Variants in TRPC7 observed in about 807,000 individuals in gnomAD.
TRPC7 encodes the protein short transient receptor potential channel 7.
Under a neutral mutation model 90.1 loss-of-function variants are expected in TRPC7, and 42 were observed. The observed-to-expected ratio is 0.47, with a 90% CI of 0.36 to 0.60. The LOEUF (loss-of-function observed/expected upper bound fraction) is 0.60. TRPC7 is among the 20% of genes least tolerant of loss of function. The pLI is 0.00. For missense variants in TRPC7, 955 were observed against 1,112.3 expected, an observed-to-expected ratio of 0.86 and a Z score of 2.01; for synonymous variants, 451 against 436.3, an observed-to-expected ratio of 1.03 and a Z score of -0.42.
At chr5:136,217,305 A>G (rs1244891090) in intron 10 of TRPC7, among the ~76,000 whole-genome samples, 1 of 152,230 alleles carries the variant, frequency 6.6e-6, no homozygotes, top group Non-Finnish European at 1.5e-5. Context: ...TAGGCTGAGG[A>G]AAAGCATCTT....
intron 5 of TRPC7, among the ~76,000 whole-genome samples, chr5:136,255,827 T>C (rs751792925): frequency 2.0e-5 from 3 of 152,200 alleles, no homozygotes; most frequent in Non-Finnish European, 4.4e-5. Flanking sequence ...GGTTGTAATG[T>C]GCCCTGCTAG....
At chr5:136,320,448 C>T (rs545335157) in intron 2 of TRPC7, among the ~76,000 whole-genome samples, 1 of 152,312 alleles carries the variant, frequency 6.6e-6, no homozygotes, top group Admixed American at 6.5e-5. Context: ...CTTCTCTGTA[C>T]ACCCGCTCCA....
At chr5:136,289,119 T>C (rs1439476237) in intron 3 of TRPC7, among the ~76,000 whole-genome samples, 1 of 152,030 alleles carries the variant, frequency 6.6e-6, no homozygotes, top group East Asian at 1.9e-4. Context: ...TGCAGGTCAT[T>C]CCAGAGTGCT....
At chr5:136,321,649 GC>G (rs1386246854) in intron 2 of TRPC7, among the ~76,000 whole-genome samples, 2 of 152,084 alleles carry the variant, frequency 1.3e-5, no homozygotes, top group Non-Finnish European at 2.9e-5. Flanking sequence ...CTGATCTCTT[GC>G]CATTTGTGGT....
intron 6 of TRPC7, among the ~76,000 whole-genome samples, chr5:136,250,675 C>T (rs1404186891): frequency 2.6e-5 from 4 of 152,168 alleles, no homozygotes; most frequent in Non-Finnish European, 5.9e-5. Flanking sequence ...GAGTGCAAAG[C>T]GCTTCACATA....
intron 5 of TRPC7, among the ~76,000 whole-genome samples, chr5:136,255,525 T>C (rs1756662592): frequency 6.6e-6 from 1 of 152,232 alleles, no homozygotes; most frequent in South Asian, 2.1e-4. Flanking sequence ...GCACGTTTAA[T>C]AGACCACAGT....
intron 2 of TRPC7, among the ~76,000 whole-genome samples, chr5:136,348,752 T>C (rs1338124186): frequency 6.6e-6 from 1 of 152,186 alleles, no homozygotes; most frequent in East Asian, 1.9e-4. Flanking sequence ...CTTGTCCCCA[T>C]CCTGATAAAT....
At chr5:136,292,990 G>A (rs1316923438) in intron 3 of TRPC7, among the ~76,000 whole-genome samples, 36 of 152,042 alleles carry the variant, frequency 2.4e-4, no homozygotes, top group Admixed American at 9.2e-4. Flanking sequence ...CTGGTTCAAC[G>A]TATGAAAATC....
chr5:136,246,929 C>T (rs1231307726), intron 7 of TRPC7, among the ~76,000 whole-genome samples: 1 of 152,146 alleles, frequency 6.6e-6, no homozygotes, highest in East Asian at 1.9e-4. Context: ...TAACCCATTT[C>T]CCCTTGGCCC....
chr5:136,325,000 G>A (rs931403346), intron 2 of TRPC7, among the ~76,000 whole-genome samples: 2 of 152,224 alleles, frequency 1.3e-5, no homozygotes, highest in Non-Finnish European at 2.9e-5. Context: ...TACTAGTGGA[G>A]CTAAGTCAGC....
intron 1 of TRPC7, among the ~76,000 whole-genome samples, chr5:136,359,711 G>A (rs918927815): frequency 6.6e-6 from 1 of 151,918 alleles, no homozygotes; most frequent in African/African-American, 2.4e-5. Flanking sequence ...TACCCTATTT[G>A]TATTCCCAAG....
chr5:136,337,976 C>T (rs1042912368), intron 2 of TRPC7, among the ~76,000 whole-genome samples: 2 of 152,136 alleles, frequency 1.3e-5, no homozygotes, highest in African/African-American at 4.8e-5. Context: ...GCAAACATGA[C>T]CTCTCACCTC....
intron 3 of TRPC7, among the ~76,000 whole-genome samples, chr5:136,314,671 A>C (rs1027217223): frequency 2.0e-5 from 3 of 152,226 alleles, no homozygotes; most frequent in Non-Finnish European, 1.5e-5. Context: ...ATTAAGACAC[A>C]CACAAATTAA....
At chr5:136,314,281 G>A (rs141924889) in intron 3 of TRPC7, 3 of 152,200 alleles carry the variant, frequency 2.0e-5, no homozygotes. Flanking sequence ...AGCAGGGTTT[G>A]TTTGAACCCC....
chr5:136,307,015 A>T (rs1846575), intron 3 of TRPC7, among the ~76,000 whole-genome samples: 2 of 152,026 alleles, frequency 1.3e-5, no homozygotes, highest in African/African-American at 4.8e-5. Flanking sequence ...TCACACGGAC[A>T]TGCATGAAAA....
intron 3 of TRPC7, among the ~76,000 whole-genome samples, chr5:136,282,839 G>T (rs554898769): frequency 6.6e-6 from 1 of 152,146 alleles, no homozygotes; most frequent in Admixed American, 6.5e-5. Flanking sequence ...AATGCCTATT[G>T]TTACCAGGTA....
At chr5:136,323,801 C>T (rs186581723) in intron 2 of TRPC7, among the ~76,000 whole-genome samples, 2 of 152,152 alleles carry the variant, frequency 1.3e-5, no homozygotes, top group East Asian at 3.9e-4. Context: ...ATTATCTTGG[C>T]TTTTCTCATT....
At chr5:136,350,172 C>T (rs1019681299) in intron 2 of TRPC7, among the ~76,000 whole-genome samples, 1 of 152,306 alleles carries the variant, frequency 6.6e-6, no homozygotes, top group African/African-American at 2.4e-5. Flanking sequence ...TTAAGTAACA[C>T]ATGACTGTAT....
chr5:136,343,294 C>A (rs1371275133), intron 2 of TRPC7, among the ~76,000 whole-genome samples: 1 of 152,010 alleles, frequency 6.6e-6, no homozygotes, highest in Non-Finnish European at 1.5e-5. Context: ...GATGTTGGGG[C>A]CCAAAAATGC....
Sources: gnomAD v4.1 joint callset for allele counts (sites outside exome capture counted in the v4.1 genomes callset) on GRCh38, gnomAD v4.1.1 for gene constraint, MANE v1.5 for transcripts, NCBI Gene and HGNC (gene_info 2026-07-23, HGNC 2026-07-21) for gene names.